Variants in FOXK1 observed in about 807,000 individuals in gnomAD.
FOXK1 encodes forkhead box protein K1.
FOXK1 carries 19 observed loss-of-function variants against 51.9 expected under a neutral mutation model. The observed-to-expected ratio is 0.37, with a 90% CI of 0.26 to 0.54. The LOEUF (loss-of-function observed/expected upper bound fraction) is 0.54, where lower values mean the gene tolerates loss of function less well. FOXK1 is among the 20% of genes least tolerant of loss of function. The pLI is 0.87. For synonymous variants in FOXK1, 537 were observed against 482.6 expected (o/e 1.11, Z -1.48); for missense variants, 870 against 1,032.7 (o/e 0.84, Z 2.16).
chr7:4,705,974 GTATATATA>G (rs1780088690), intron 1 of FOXK1, among the ~76,000 whole-genome samples: 1 of 67,700 alleles, frequency 1.5e-5, no homozygotes, highest in African/African-American at 8.7e-5. Context: ...ATATATATAC[GTATATATA>G]CGTATATATA....
chr7:4,744,615 G>A (rs1341874206), intron 2 of FOXK1, among the ~76,000 whole-genome samples: 2 of 152,270 alleles, frequency 1.3e-5, no homozygotes, highest in African/African-American at 2.4e-5. Flanking sequence ...TAAAGAAATT[G>A]TGTACTGAGC....
chr7:4,709,678 G>A lies in FOXK1; in HGVS notation c.560+26810G>A, dbSNP rs1780149864. Among the ~76,000 whole-genome samples the A allele has an allele frequency of 6.6e-6, 1 of 152,208 alleles. No individual in the cohort carries two copies. The highest frequency in any genetic ancestry group is 2.1e-4 in the South Asian group (1 of 4,836). ...TGCCGCAGTAAAGCGTAATTCACATGATACAAAACGTCAAATTGCGTTTTA... is the reference window on the plus strand; with the variant it reads ...TGCCGCAGTAAAGCGTAATTCACATAATACAAAACGTCAAATTGCGTTTTA... On this transcript the variant is annotated intron_variant, in intron 1 of 8. Coordinates refer to ENST00000328914, the MANE Select transcript of FOXK1 (RefSeq NM_001037165.2). The surrounding 1 kb of genome is among the most constrained non-coding windows in gnomAD (Gnocchi z 5.6).
In FOXK1 at chr7:4,709,894, C is replaced by T. The variant is rs370875158; in HGVS notation, c.560+27026C>T. Among the ~76,000 whole-genome samples, 3 of 152,178 alleles carry T rather than the reference C, an allele frequency of 2.0e-5. No homozygotes were observed. Among genetic ancestry groups the T allele is most frequent in the Non-Finnish European group, 2.9e-5 (2 of 68,044 alleles). ...GATCGAATGAGTTCACTTAGAACAA[C>T]GCGTGACACGTTTGAACACGGAAGA... is the stretch of plus-strand genomic sequence containing the variant. On this transcript the variant is annotated intron_variant, in intron 1 of 8. Transcript: ENST00000328914. This position sits in a 1 kb window ranked among gnomAD's most constrained non-coding sequence, Gnocchi z 5.6.
rs963768286 is a variant in FOXK1 at position 4,735,891 on chromosome 7, C to T, written c.561-4947C>T. ...AAATCAAGCCAGGTGCAGCGGCTCA[C>T]ACCTGTAATCCCAGCACTTTGAGAG... is the stretch of plus-strand genomic sequence containing the variant. On this transcript the variant is annotated intron_variant, in intron 1 of 8. Transcript: ENST00000328914. The surrounding 1 kb of genome is among the most constrained non-coding windows in gnomAD (Gnocchi z 4.7). Among the ~76,000 whole-genome samples, 6 of 152,196 alleles carry T rather than the reference C, an allele frequency of 3.9e-5. No homozygotes were observed. The highest frequency in any genetic ancestry group is 1.4e-4 in the African/African-American group (6 of 41,452).
At chr7:4,698,894 C>G (rs968807208) in intron 1 of FOXK1, among the ~76,000 whole-genome samples, 1 of 152,168 alleles carries the variant, frequency 6.6e-6, no homozygotes, top group Non-Finnish European at 1.5e-5. Flanking sequence ...TGCTGTGTTG[C>G]CCAGGCTGGT....
intron 2 of FOXK1, among the ~76,000 whole-genome samples, chr7:4,741,753 A>T (rs1780636414): frequency 6.6e-6 from 1 of 152,246 alleles, no homozygotes; most frequent in Admixed American, 6.5e-5. Context: ...AAAGTCCTCA[A>T]ACTTCCTCAT....
chr7:4,715,886 T>C lies in FOXK1; in HGVS notation c.561-24952T>C, dbSNP rs1282846480. Reference sequence around the variant, plus strand: ...CCACTGGTCACAGGATGGCCGTTGCTGAACTTCAACATTGGCCACCAATAT... The same window carrying C: ...CCACTGGTCACAGGATGGCCGTTGCCGAACTTCAACATTGGCCACCAATAT... On this transcript the variant is annotated intron_variant, in intron 1 of 8. Coordinates refer to ENST00000328914, the MANE Select transcript of FOXK1 (RefSeq NM_001037165.2). The surrounding 1 kb of genome is among the most constrained non-coding windows in gnomAD (Gnocchi z 4.5). Among the ~76,000 whole-genome samples the C allele has an allele frequency of 6.6e-6, 1 of 152,252 alleles. No homozygotes were observed. The highest frequency in any genetic ancestry group is 1.5e-5 in the Non-Finnish European group (1 of 68,042).
intron 1 of FOXK1, among the ~76,000 whole-genome samples, chr7:4,736,253 A>G (rs1780550748): frequency 6.6e-6 from 1 of 152,196 alleles, no homozygotes; most frequent in Non-Finnish European, 1.5e-5. Context: ...GATACTGTGA[A>G]AATATTTATT....
intron 1 of FOXK1, among the ~76,000 whole-genome samples, chr7:4,728,425 T>G (rs939796126): frequency 1.3e-5 from 2 of 152,202 alleles, no homozygotes; most frequent in Non-Finnish European, 1.5e-5. Context: ...TAAACTTGTT[T>G]CTATGCATTC....
rs1277215149 is a variant in FOXK1 at position 4,711,977 on chromosome 7, A to G, written c.561-28861A>G. ...CAGGTGCCGCCGAGCAGGAGGGAGG[A>G]CGCGGCAGGTCACAGAGCCCACCAA... On this transcript the variant is annotated intron_variant, in intron 1 of 8. Coordinates refer to ENST00000328914, the MANE Select transcript of FOXK1 (RefSeq NM_001037165.2). This position sits in a 1 kb window ranked among gnomAD's most constrained non-coding sequence, Gnocchi z 6.3. 6.6e-6 allele frequency among the ~76,000 whole-genome samples: 1 copy of G among 151,036 alleles called. No individual in the cohort carries two copies. Among genetic ancestry groups the G allele is most frequent in the East Asian group, 1.9e-4 (1 of 5,140 alleles).
chr7:4,720,947 TAGTC>T (rs748071964), intron 1 of FOXK1, among the ~76,000 whole-genome samples: 103 of 152,206 alleles, frequency 6.8e-4, no homozygotes, highest in Non-Finnish European at 4.4e-4. Flanking sequence ...ACACACGTGT[TAGTC>T]AGGCTGGTCT....
At chr7:4,750,189 G>A (rs982592651) in intron 2 of FOXK1, among the ~76,000 whole-genome samples, 4 of 152,140 alleles carry the variant, frequency 2.6e-5, no homozygotes, top group Non-Finnish European at 4.4e-5. Context: ...GCCTCCAATC[G>A]GGGGGCACAG....
rs1014605010 is a variant in FOXK1 at position 4,682,488 on chromosome 7, G to A, written c.180G>A (p.Leu60=). The change falls in exon 1 of 9, where the codon CTG becomes CTA. Residue 60 remains leucine (L), a synonymous_variant. Transcript: ENST00000328914. The surrounding 1 kb of genome is among the most constrained non-coding windows in gnomAD (Gnocchi z 7.6). ...CGCCGCCGCCGCCGCCACCGCCGCT[G>A]CCTCCGGGCGCGATCGCGGGCGCGG... ...PGPPPPPPPP[L]PPGAIAGAGS... The A allele has an allele frequency of 9.9e-7, 1 of 1,006,532 alleles. No homozygotes were observed. The highest frequency in any genetic ancestry group is 1.2e-6 in the Non-Finnish European group (1 of 845,654). 62.4% of individuals were successfully genotyped at this position (1,006,532 alleles called of 1,614,324 possible).
intron 2 of FOXK1, among the ~76,000 whole-genome samples, chr7:4,752,768 G>A (rs866281858): frequency 1.3e-5 from 2 of 152,192 alleles, no homozygotes; most frequent in Non-Finnish European, 1.5e-5. Context: ...GTCTGGGACC[G>A]GGTGCACAGG....
chr7:4,732,441 C>T (rs4724037), intron 1 of FOXK1, among the ~76,000 whole-genome samples: 5,814 of 152,200 alleles, frequency 0.038, 192 homozygotes, highest in Middle Eastern at 0.089. Flanking sequence ...TACAGGTGTG[C>T]GCCACCACAC....
intron 1 of FOXK1, among the ~76,000 whole-genome samples, chr7:4,684,667 GC>G (rs973890001): frequency 6.6e-6 from 1 of 152,072 alleles, no homozygotes; most frequent in Non-Finnish European, 1.5e-5. Flanking sequence ...GGCTCCCCAG[GC>G]CCCCCTTAGA....
At chr7:4,732,254 C>T (rs1780487754) in intron 1 of FOXK1, among the ~76,000 whole-genome samples, 1 of 152,184 alleles carries the variant, frequency 6.6e-6, no homozygotes, top group African/African-American at 2.4e-5. Context: ...CCATCATTAC[C>T]CCAGTTTGGC....
At chr7:4,687,397 A>G (rs1249594350) in intron 1 of FOXK1, among the ~76,000 whole-genome samples, 1 of 151,754 alleles carries the variant, frequency 6.6e-6, no homozygotes, top group Non-Finnish European at 1.5e-5. Context: ...GGTTCAAGCG[A>G]TTCTCCTGCC....
At position 4,751,298 on chromosome 7, in the gene FOXK1, C is replaced by T. The variant is rs916795498; in HGVS notation, c.747-3161C>T. Among the ~76,000 whole-genome samples the T allele has an allele frequency of 2.6e-5, 4 of 151,566 alleles. No homozygotes were observed. The East Asian group carries it at 7.8e-4, about 30-fold the overall frequency. ...GTAATCCCAAAAGCATTGGGATTAC[C>T]AATCCCAAAGCACTGGGATTACAAG... On this transcript the variant is annotated intron_variant, in intron 2 of 8. Coordinates refer to ENST00000328914, the MANE Select transcript of FOXK1 (RefSeq NM_001037165.2).
Sources: gnomAD v4.1 joint callset for allele counts (sites outside exome capture counted in the v4.1 genomes callset) on GRCh38, gnomAD v4.1.1 for gene constraint, Gnocchi (gnomAD v3.1) non-coding constraint, MANE v1.5 for transcripts, NCBI Gene and HGNC (gene_info 2026-07-23, HGNC 2026-07-21) for gene names.